The following POU6F2 variants were observed in gnomAD, a reference collection of about 807,000 sequenced individuals.
POU6F2 encodes the protein POU class 6 homeobox 2, also known as POU domain, class 6, transcription factor 2.
POU6F2 carries 31 observed loss-of-function variants against 71.3 expected under a neutral mutation model. The observed-to-expected ratio is 0.43, with a 90% CI of 0.33 to 0.59. POU6F2 has a LOEUF of 0.59. Among genes scored for constraint, POU6F2 ranks in the 20% least tolerant of loss-of-function variants. POU6F2 has a pLI of 0.04. For synonymous variants in POU6F2, 347 were observed against 355.7 expected, an observed-to-expected ratio of 0.98 and a Z score of 0.27; for missense variants, 783 against 856.8, an observed-to-expected ratio of 0.91 and a Z score of 1.07.
intron 1 of POU6F2, among the ~76,000 whole-genome samples, chr7:39,065,949 C>G (rs546993626): frequency 2.6e-5 from 4 of 151,682 alleles, no homozygotes; most frequent in African/African-American, 9.6e-5. Context: ...ATTTTATAAG[C>G]CAATTGTCTT....
At chr7:39,318,384 C>A (rs1785315959) in intron 4 of POU6F2, among the ~76,000 whole-genome samples, 2 of 152,222 alleles carry the variant, frequency 1.3e-5, no homozygotes, top group South Asian at 4.2e-4. Context: ...TTTACAAGCA[C>A]CCTTGGTGAT....
intron 2 of POU6F2, among the ~76,000 whole-genome samples, chr7:39,111,185 G>A (rs1375933823): frequency 2.0e-5 from 3 of 152,134 alleles, no homozygotes. Flanking sequence ...GGGAATGTCT[G>A]CTACTTTGGT....
At chr7:39,178,608 A>G (rs1793376053) in intron 2 of POU6F2, among the ~76,000 whole-genome samples, 1 of 152,204 alleles carries the variant, frequency 6.6e-6, no homozygotes, top group South Asian at 2.1e-4. Context: ...GGTGTCTACA[A>G]ACCTTGTGAT....
intron 4 of POU6F2, among the ~76,000 whole-genome samples, chr7:39,209,342 C>T (rs2128746319): frequency 6.6e-6 from 1 of 152,290 alleles, no homozygotes; most frequent in South Asian, 2.1e-4. Context: ...CTGGGCACTT[C>T]TGACACAATT....
chr7:39,207,530 C>T lies in POU6F2; in HGVS notation c.508C>T (p.Leu170=). The T allele has an allele frequency of 3.7e-6, 6 of 1,614,050 alleles. No homozygotes were observed. The highest frequency in any genetic ancestry group is 2.5e-6 in the Non-Finnish European group (3 of 1,179,894). The change falls in exon 4 of 10, where the codon CTG becomes TTG. Residue 170 remains leucine (L), a synonymous_variant. Transcript: ENST00000518318. ...LGGQQGLVLT[L]PTANLTNIQG... is the part of the protein sequence containing the mutation. The stretch of plus-strand genomic sequence containing the variant: ...AGGCCAGCAAGGACTGGTTCTCACA[C>T]TGCCAACAGCGAATCTCACCAACAT...
intron 4 of POU6F2, among the ~76,000 whole-genome samples, chr7:39,317,075 C>T (rs1785282853): frequency 6.6e-6 from 1 of 152,184 alleles, no homozygotes; most frequent in Admixed American, 6.5e-5. Flanking sequence ...CACGATAAGC[C>T]AGGTGCTTTA....
chr7:39,343,891 A>AAGG (rs1396639007), intron 5 of POU6F2, among the ~76,000 whole-genome samples: 1 of 152,190 alleles, frequency 6.6e-6, no homozygotes, highest in Non-Finnish European at 1.5e-5. Context: ...AGTATTCTTC[A>AAGG]AGGTCAGGTT....
At chr7:39,038,355 T>C (rs1160558518) in intron 1 of POU6F2, among the ~76,000 whole-genome samples, 2 of 152,106 alleles carry the variant, frequency 1.3e-5, no homozygotes, top group Non-Finnish European at 2.9e-5. Flanking sequence ...CTAAGGAATT[T>C]AAACACTCCT....
intron 2 of POU6F2, among the ~76,000 whole-genome samples, chr7:39,143,802 G>A (rs570566047): frequency 2.0e-5 from 3 of 152,218 alleles, no homozygotes; most frequent in Non-Finnish European, 4.4e-5. Flanking sequence ...TGGACAGTTA[G>A]ATTGAAGAGT....
intron 4 of POU6F2, among the ~76,000 whole-genome samples, chr7:39,291,015 G>GAAAAAAAAAAAA (rs35704977): frequency 8.2e-6 from 1 of 122,430 alleles, no homozygotes; most frequent in Non-Finnish European, 1.7e-5. Context: ...AAAGAGGACA[G>GAAAAAAAAAAAA]AAAAAAAAAA....
chr7:39,101,831 A>C (rs993900346), intron 2 of POU6F2, among the ~76,000 whole-genome samples: 45 of 152,204 alleles, frequency 3.0e-4, no homozygotes, highest in African/African-American at 1.1e-3. Context: ...AGTGTATTCC[A>C]TAAATATATA....
At chr7:39,152,380 TCTC>T (rs754363328) in intron 2 of POU6F2, among the ~76,000 whole-genome samples, 34 of 152,202 alleles carry the variant, frequency 2.2e-4, no homozygotes, top group Admixed American at 7.2e-4. Flanking sequence ...GGTTCCTGCT[TCTC>T]CTCCTGGCCA....
In POU6F2 at chr7:39,467,011, A is replaced by G. The variant is rs546423931; in HGVS notation, c.*2325A>G. ...TATGATGGATGCTAAATATTTAAAT[A>G]TATGCCGGCAGCGGTTACATAAGGC... is the stretch of plus-strand genomic sequence containing the variant. On this transcript the variant is annotated 3_prime_UTR_variant, in exon 10 of 10. Transcript: ENST00000518318. The G allele has an allele frequency of 9.2e-5, 14 of 152,338 alleles. No individual in the cohort carries two copies. The highest frequency in any genetic ancestry group is 3.4e-4 in the African/African-American group (14 of 41,578). 9.4% of individuals were successfully genotyped at this position (152,338 alleles called of 1,614,324 possible). A position where few individuals can be genotyped will look rare whatever the true frequency, so the allele number is the denominator to read the frequency against.
At chr7:39,002,952 G>T (rs859551) in intron 1 of POU6F2, among the ~76,000 whole-genome samples, 1 of 152,118 alleles carries the variant, frequency 6.6e-6, no homozygotes, top group Admixed American at 6.5e-5. Context: ...CTGAGTTGCT[G>T]TTAGTTATAC....
At chr7:39,308,857 C>T (rs1785100205) in intron 4 of POU6F2, among the ~76,000 whole-genome samples, 1 of 152,198 alleles carries the variant, frequency 6.6e-6, no homozygotes, top group Non-Finnish European at 1.5e-5. Context: ...CTTCCCCCTG[C>T]GGGTGCCAGG....
At chr7:39,151,855 A>G (rs994258030) in intron 2 of POU6F2, among the ~76,000 whole-genome samples, 10 of 152,182 alleles carry the variant, frequency 6.6e-5, no homozygotes, top group African/African-American at 2.4e-4. Context: ...GGAGTCTGGA[A>G]AAAGTAAGGA....
At chr7:39,053,150 G>A (rs1026196598) in intron 1 of POU6F2, among the ~76,000 whole-genome samples, 3 of 152,126 alleles carry the variant, frequency 2.0e-5, no homozygotes, top group African/African-American at 7.2e-5. Context: ...GATGGAAGAA[G>A]AAGAACTTAG....
intron 2 of POU6F2, among the ~76,000 whole-genome samples, chr7:39,156,669 T>C (rs1482604229): frequency 6.6e-6 from 1 of 152,174 alleles, no homozygotes; most frequent in Non-Finnish European, 1.5e-5. Context: ...TAGACAGTCA[T>C]TCATCTTGTT....
chr7:39,219,934 G>A (rs987574296), intron 4 of POU6F2, among the ~76,000 whole-genome samples: 1 of 152,100 alleles, frequency 6.6e-6, no homozygotes, highest in Admixed American at 6.6e-5. Flanking sequence ...GGAGAAAGTT[G>A]CATTAAATAA....
Sources: allele counts gnomAD v4.1 joint callset (sites outside exome capture counted in the v4.1 genomes callset), GRCh38; gene constraint gnomAD v4.1.1; transcripts MANE v1.5; gene names NCBI Gene and HGNC (gene_info 2026-07-23, HGNC 2026-07-21).